Variants in LRP2 observed in about 807,000 individuals in gnomAD.
LRP2 encodes the protein low-density lipoprotein receptor-related protein 2.
LRP2 carries 172 observed loss-of-function variants against 531.0 expected under a neutral mutation model. That is an observed-to-expected ratio of 0.32 (90% CI 0.29 to 0.37). The LOEUF (loss-of-function observed/expected upper bound fraction) is 0.37. Among genes scored for constraint, LRP2 ranks in the 10% least tolerant of loss-of-function variants. LRP2 has a pLI of 1.00. For missense variants in LRP2, 5,167 were observed against 5,868.3 expected (o/e 0.88, Z 3.90); for synonymous variants, 1,992 against 2,027.6 (o/e 0.98, Z 0.47).
intron 31 of LRP2, among the ~76,000 whole-genome samples, chr2:169,229,321 A>G (rs1311916752): frequency 6.6e-6 from 1 of 152,210 alleles, no homozygotes; most frequent in Non-Finnish European, 1.5e-5. Context: ...AAGACACTAT[A>G]GTCAGGAATG....
chr2:169,176,235 T>C (rs895730000), intron 54 of LRP2, among the ~76,000 whole-genome samples, 176 bp downstream of exon 54: 3 of 152,234 alleles, frequency 2.0e-5, no homozygotes, highest in Non-Finnish European at 4.4e-5. Flanking sequence ...GCTCCTTCTA[T>C]TCATGGAAAA....
chr2:169,185,373 T>G (rs555539483), intron 50 of LRP2, 130 bp downstream of exon 50: 1 of 834,138 alleles, frequency 1.2e-6, no homozygotes, highest in African/African-American at 1.7e-5. Flanking sequence ...AAGCAGAAAA[T>G]AAACCTGCAG....
chr2:169,151,123 A>G, intron 67 of LRP2, 97 bp from the exon 68 acceptor site: 1 of 1,263,680 alleles, frequency 7.9e-7, no homozygotes, highest in Non-Finnish European at 1.2e-6. Context: ...TTGGCTGGTG[A>G]GACAGCTGCT....
chr2:169,226,015 T>G (rs1027329911), intron 32 of LRP2, among the ~76,000 whole-genome samples: 3 of 152,228 alleles, frequency 2.0e-5, no homozygotes, highest in African/African-American at 7.2e-5. Context: ...TACTTTTATC[T>G]TGAGTTTTGA....
chr2:169,187,972 C>T lies in LRP2; in HGVS notation c.9326G>A (p.Cys3109Tyr). Residue 3109 changes from cysteine (C) to tyrosine (Y), a missense_variant and splice_region_variant, in exon 49 of 79, where the codon TGT becomes TAT. Around this residue, in one of 6 missense-constraint regions of LRP2, gnomAD observed 1,129 missense variants for 1,362.7 expected, o/e 0.83. Transcript: ENST00000649046. Reference protein sequence around the residue: ...DCLDNSDEKGCGINECHDPSI... With the variant: ...DCLDNSDEKGYGINECHDPSI... ...CCCAAATCCTCTGTTGTACTCACCA[C>T]AGCCTTTCTCATCGCTGTTGTCCAA... The T allele has an allele frequency of 6.2e-7, 1 of 1,614,122 alleles. No individual in the cohort carries two copies. Among genetic ancestry groups the T allele is most frequent in the Non-Finnish European group, 8.5e-7 (1 of 1,179,996 alleles).
intron 13 of LRP2, among the ~76,000 whole-genome samples, chr2:169,276,672 A>T (rs1203232613): frequency 6.6e-6 from 1 of 152,206 alleles, no homozygotes; most frequent in African/African-American, 2.4e-5. Flanking sequence ...TACAAGAGGA[A>T]ACAAAACTAT....
chr2:169,325,765 T>C (rs1357896114), intron 1 of LRP2, among the ~76,000 whole-genome samples: 1 of 152,088 alleles, frequency 6.6e-6, no homozygotes, highest in Non-Finnish European at 1.5e-5. Flanking sequence ...TGGTTTTCCT[T>C]ACAGATCATC....
rs559818035 is a variant in LRP2, at chr2:169,139,337, G to A, written c.13302C>T (p.Ile4434=). The change falls in exon 74 of 79, where the codon ATC becomes ATT. Residue 4434 remains isoleucine (I), a synonymous_variant. Coordinates refer to ENST00000649046, the MANE Select transcript of LRP2 (RefSeq NM_004525.3). ...CAATTGCCAGAGCTCCAATTACGAC[G>A]ATCAAGAGGATTGTCAACAGCACAG... The part of the protein sequence containing the change: ...AVAVLLTILL[I]VVIGALAIAG... 114 of 1,614,072 alleles carry A rather than the reference G, an allele frequency of 7.1e-5. No homozygotes were observed. In the East Asian group the frequency reaches 1.7e-3, roughly 24 times the overall value.
Position 169,240,662 on chromosome 2 carries a change from T to C in LRP2, c.4045+326A>G, listed in dbSNP as rs1689770697. 9.8e-6 allele frequency: 5 copies of C among 508,020 alleles called. No individual in the cohort carries two copies. In the South Asian group the frequency reaches 1.6e-4, roughly 17 times the overall value. The allele number at this position is 508,020 out of a possible 1,614,324, so 31.5% of individuals were successfully genotyped here. ...AAGTTCTGATTGAAATTAGAAAATA[T>C]TAAAGTTAGAAAAATTAATGAGCAC... On this transcript the variant is annotated intron_variant, in intron 25 of 78. Transcript: ENST00000649046.
rs374867340 is a variant in LRP2, at chr2:169,173,926, T to A, written c.11007A>T (p.Glu3669Asp). 6.2e-7 allele frequency: 1 copy of A among 1,614,176 alleles called. No individual in the cohort carries two copies. Among genetic ancestry groups the A allele is most frequent in the Non-Finnish European group, 8.5e-7 (1 of 1,180,022 alleles). ...DCGDHSDEPIEECMSSAHLCD... is the reference protein window; with the variant it reads ...DCGDHSDEPIDECMSSAHLCD... Reference sequence around the variant, plus strand: ...CCTCCCACAGGAACTTACTGCATTCTTCAATGGGCTCATCCGAGTGGTCTC... The same window carrying A: ...CCTCCCACAGGAACTTACTGCATTCATCAATGGGCTCATCCGAGTGGTCTC... Residue 3669 changes from glutamate (E) to aspartate (D), a missense_variant, in exon 56 of 79, where the codon GAA becomes GAT. This residue lies in a region of LRP2 where 311 missense variants were observed against 309.4 expected (regional missense o/e 1.01). Transcript: ENST00000649046.
intron 19 of LRP2, among the ~76,000 whole-genome samples, chr2:169,252,277 A>G (rs1690194256): frequency 4.0e-4 from 1 of 2,490 alleles, no homozygotes; most frequent in Non-Finnish European, 5.6e-4. Flanking sequence ...CAGCAAATCA[A>G]AAAGCTTATC....
In LRP2 at chr2:169,318,846, T is replaced by C. The variant is rs1318993740; in HGVS notation, c.226A>G (p.Ser76Gly). 6.2e-7 allele frequency: 1 copy of C among 1,614,140 alleles called. No individual in the cohort carries two copies. Among genetic ancestry groups the C allele is most frequent in the Admixed American group, 1.7e-5 (1 of 59,994 alleles). Residue 76 changes from serine (S) to glycine (G), a missense_variant, in exon 3 of 79, where the codon AGT (serine) becomes GGT (glycine). Transcript: ENST00000649046. The part of the protein sequence containing the change: ...TCQQGYFKCQ[S>G]EGQCIPNSWV... ...GAGTTGGGGATGCATTGTCCCTCAC[T>C]CTGGCACTTGAAATAGCCCTGCTGG...
chr2:169,217,765 T>C (rs1365184925), intron 34 of LRP2, among the ~76,000 whole-genome samples: 1 of 152,190 alleles, frequency 6.6e-6, no homozygotes, highest in African/African-American at 2.4e-5. Context: ...TTCTACTTCA[T>C]AAATTTCGAA....
rs1191086456 is a variant in LRP2 at position 169,289,538 on chromosome 2, C to G, written c.923-393G>C. 4.6e-5 allele frequency among the ~76,000 whole-genome samples: 7 copies of G among 150,842 alleles called. 1 individual carries two copies. Among genetic ancestry groups the G allele is most frequent in the African/African-American group, 1.5e-4 (6 of 40,922 alleles). ...CACCACTGCACTCTAGCCTGGGTGA[C>G]AGAACAAGAGGCTGCCTTGAGTGGA... On this transcript the variant is annotated intron_variant, in intron 8 of 78. Coordinates refer to ENST00000649046, the MANE Select transcript of LRP2 (RefSeq NM_004525.3).
chr2:169,283,622 A>G (rs957050003), intron 9 of LRP2, among the ~76,000 whole-genome samples: 3 of 152,304 alleles, frequency 2.0e-5, no homozygotes, highest in Admixed American at 6.5e-5. Flanking sequence ...AGTACTTGGA[A>G]AGGTCTATTT....
intron 50 of LRP2, among the ~76,000 whole-genome samples, chr2:169,183,192 C>T (rs1214974583): frequency 6.6e-6 from 1 of 152,224 alleles, no homozygotes; most frequent in Non-Finnish European, 1.5e-5. Flanking sequence ...TTCCAAAAGA[C>T]CTGAATGCCT....
At chr2:169,358,771 T>A (rs1184131463) in intron 1 of LRP2, among the ~76,000 whole-genome samples, 2 of 152,030 alleles carry the variant, frequency 1.3e-5, no homozygotes, top group African/African-American at 4.8e-5. Context: ...GGTAGGAGGA[T>A]CATTTGAGGC....
intron 1 of LRP2, among the ~76,000 whole-genome samples, chr2:169,339,184 C>A (rs1685498596): frequency 6.6e-6 from 1 of 151,852 alleles, no homozygotes; most frequent in African/African-American, 2.4e-5. Context: ...TCATCATCTG[C>A]AACCCAGTTT....
chr2:169,299,159 AAAAG>A (rs1169258136), intron 4 of LRP2, among the ~76,000 whole-genome samples: 5 of 6,564 alleles, frequency 7.6e-4, no homozygotes, highest in African/African-American at 1.3e-3. Context: ...AAGAAAGAAA[AAAAG>A]AAAGAAAGAA....
Sources: allele counts gnomAD v4.1 joint callset (sites outside exome capture counted in the v4.1 genomes callset), GRCh38; gene constraint gnomAD v4.1.1; regional missense constraint gnomAD v4.1.1; transcripts MANE v1.5; gene names NCBI Gene and HGNC (gene_info 2026-07-23, HGNC 2026-07-21).